The following SCRN1 variants were observed in gnomAD, a reference collection of about 807,000 sequenced individuals.
SCRN1 encodes the protein secernin-1.
Under a neutral mutation model 43.3 loss-of-function variants are expected in SCRN1, and 19 were observed. The ratio of observed to expected loss-of-function variants is 0.44; its 90% CI spans 0.31 to 0.64. SCRN1 has a LOEUF of 0.64. SCRN1 is among the 30% of genes least tolerant of loss of function. SCRN1 has a pLI of 0.09. For missense variants in SCRN1, 447 were observed against 524.1 expected, an observed-to-expected ratio of 0.85 and a Z score of 1.44; for synonymous variants, 183 against 188.9, an observed-to-expected ratio of 0.97 and a Z score of 0.26.
intron 2 of SCRN1, among the ~76,000 whole-genome samples, chr7:29,966,137 CAG>C (rs1235393369): frequency 1.7e-5 from 1 of 60,250 alleles, no homozygotes; most frequent in African/African-American, 6.0e-5. Flanking sequence ...GAGAGAGAGA[CAG>C]AGAGAGAGAG....
chr7:29,971,140 G>A (rs1436486337), intron 1 of SCRN1, among the ~76,000 whole-genome samples: 3 of 152,120 alleles, frequency 2.0e-5, no homozygotes, highest in Non-Finnish European at 2.9e-5. Flanking sequence ...AATCTTTTCA[G>A]AAAAGCACAA....
chr7:29,966,956 T>A (rs1788516935), intron 2 of SCRN1, among the ~76,000 whole-genome samples: 1 of 150,874 alleles, frequency 6.6e-6, no homozygotes, highest in East Asian at 1.9e-4. Context: ...GAAAATAAAA[T>A]ACACATTGGA....
chr7:29,920,481 G>A lies in SCRN1; in HGVS notation c.*3476C>T, dbSNP rs14593. 1 of 152,392 alleles carries A rather than the reference G, an allele frequency of 6.6e-6. No homozygotes were observed. Among genetic ancestry groups the A allele is most frequent in the East Asian group, 1.9e-4 (1 of 5,190 alleles). The allele number at this position is 152,392 out of a possible 1,614,324, so 9.4% of individuals were successfully genotyped here. On this transcript the variant is annotated 3_prime_UTR_variant, in exon 8 of 8. Coordinates refer to ENST00000242059, the MANE Select transcript of SCRN1 (RefSeq NM_014766.5). ...GTGCAGAATGAAAAGCCACGGCTAC[G>A]GGAAGCATAAGCTTGTGCTGCAACG...
At chr7:29,990,253 G>A, upstream of SCRN1, 2 of 1,551,650 alleles carry the variant, frequency 1.3e-6, no homozygotes, top group Non-Finnish European at 8.7e-7. Flanking sequence ...TGGTAAGCCA[G>A]ACCCTGTCCC....
chr7:29,928,018 G>C (rs1787026354), intron 6 of SCRN1, among the ~76,000 whole-genome samples: 1 of 152,172 alleles, frequency 6.6e-6, no homozygotes, highest in African/African-American at 2.4e-5. Context: ...AGCTACTCAG[G>C]AGGTTGAGGT....
intron 1 of SCRN1, among the ~76,000 whole-genome samples, chr7:29,973,926 T>C (rs1429621215): frequency 6.6e-6 from 1 of 152,210 alleles, no homozygotes; most frequent in East Asian, 1.9e-4. Flanking sequence ...TCGGGTAGAA[T>C]ACTATAAACC....
chr7:29,926,395 C>G, intron 7 of SCRN1, 57 bp downstream of exon 7: 2 of 1,575,380 alleles, frequency 1.3e-6, no homozygotes, highest in South Asian at 1.1e-5. Flanking sequence ...CCTCCTTCCT[C>G]GCTGACCTCG....
intron 6 of SCRN1, 57 bp downstream of exon 6, chr7:29,936,499 A>G: frequency 7.0e-7 from 1 of 1,427,202 alleles, no homozygotes; most frequent in African/African-American, 1.4e-5. Flanking sequence ...CACTTGCTGA[A>G]TGAGCTTTCA....
intron 2 of SCRN1, among the ~76,000 whole-genome samples, chr7:29,959,442 T>C (rs1171593688): frequency 6.6e-6 from 1 of 152,162 alleles, no homozygotes; most frequent in Admixed American, 6.5e-5. Flanking sequence ...GTATTTTGTT[T>C]GTTTGTTTTA....
At chr7:29,976,387 T>C (rs982266034) in intron 1 of SCRN1, among the ~76,000 whole-genome samples, 3 of 152,106 alleles carry the variant, frequency 2.0e-5, no homozygotes, top group Non-Finnish European at 4.4e-5. Context: ...GTAAAACTCA[T>C]AGAAATAGAA....
chr7:29,959,953 G>T (rs1032289359), intron 2 of SCRN1, among the ~76,000 whole-genome samples: 1 of 148,820 alleles, frequency 6.7e-6, no homozygotes, highest in African/African-American at 2.5e-5. Flanking sequence ...GAAAGAAAGT[G>T]GGGGGAGGGA....
intron 2 of SCRN1, 74 bp from the exon 3 acceptor site, chr7:29,955,434 C>T: frequency 7.1e-7 from 1 of 1,399,568 alleles, no homozygotes; most frequent in Non-Finnish European, 9.8e-7. Flanking sequence ...GGTACTTATA[C>T]TGAACCATCA....
intron 2 of SCRN1, among the ~76,000 whole-genome samples, chr7:29,967,152 T>C (rs1377247709): frequency 6.6e-6 from 1 of 151,486 alleles, no homozygotes; most frequent in African/African-American, 2.4e-5. Flanking sequence ...AGATTTTTCA[T>C]CCTTTAACAA....
chr7:29,941,235 G>A (rs1303423260), intron 4 of SCRN1, among the ~76,000 whole-genome samples: 1 of 152,198 alleles, frequency 6.6e-6, no homozygotes, highest in African/African-American at 2.4e-5. Context: ...GAGGTACTGA[G>A]CTAACAAGAC....
chr7:29,937,338 A>G (rs994290934), intron 5 of SCRN1, among the ~76,000 whole-genome samples: 9 of 152,222 alleles, frequency 5.9e-5, no homozygotes, highest in African/African-American at 2.2e-4. Context: ...CTTCCTGCCA[A>G]CTAGGAGATG....
intron 1 of SCRN1, among the ~76,000 whole-genome samples, chr7:29,979,189 CCT>C (rs1162794350): frequency 6.6e-6 from 1 of 152,052 alleles, no homozygotes. Flanking sequence ...ATGGTGAAAC[CCT>C]GTCTCTACTA....
intron 1 of SCRN1, among the ~76,000 whole-genome samples, chr7:29,977,892 C>G (rs1467980483): frequency 1.3e-5 from 2 of 152,194 alleles, no homozygotes; most frequent in Admixed American, 1.3e-4. Context: ...CCATTTGGGA[C>G]ACAGCAAGGA....
In SCRN1 at chr7:29,967,174, A is replaced by AACACACACAC. The variant is rs142917231; in HGVS notation, c.159+1725_159+1734dup. ...TCATCCTTTAACAAACTACCATCTAAACACACACACACACACACACACACA... is the reference window on the plus strand; with the variant it reads ...TCATCCTTTAACAAACTACCATCTAAACACACACACACACACACACACACACACACACACA... On this transcript the variant is annotated intron_variant, in intron 2 of 7. Transcript: ENST00000242059. Among the ~76,000 whole-genome samples the AACACACACAC allele has an allele frequency of 1.8e-3, 268 of 148,370 alleles. 1 individual carries two copies. Among genetic ancestry groups the AACACACACAC allele is most frequent in the African/African-American group, 6.3e-3 (255 of 40,558 alleles).
rs1479565903 is a variant in SCRN1 at position 29,923,712 on chromosome 7, T to G, written c.*245A>C. ...AATAATAGCAGCTTAAAATCCACAA[T>G]TAGTCACACAACCGAACAACAGGCA... On this transcript the variant is annotated 3_prime_UTR_variant, in exon 8 of 8. Coordinates refer to ENST00000242059, the MANE Select transcript of SCRN1 (RefSeq NM_014766.5). The G allele has an allele frequency of 2.0e-5, 8 of 406,038 alleles. No individual in the cohort carries two copies. The East Asian group carries it at 3.5e-4, about 18-fold the overall frequency. The allele number at this position is 406,038 out of a possible 1,614,324, so 25.2% of individuals were successfully genotyped here. A position where few individuals can be genotyped will look rare whatever the true frequency, so the allele number is the denominator to read the frequency against.
Sources: allele counts gnomAD v4.1 joint callset (sites outside exome capture counted in the v4.1 genomes callset), GRCh38; gene constraint gnomAD v4.1.1; transcripts MANE v1.5; gene names NCBI Gene and HGNC (gene_info 2026-07-23, HGNC 2026-07-21).